Variants in PCSK6 observed in about 807,000 individuals in gnomAD.
The protein encoded by PCSK6 is proprotein convertase subtilisin/kexin type 6, also known as paired basic amino acid cleaving enzyme 4.
In PCSK6, 85 loss-of-function variants were observed where a neutral mutation model predicts 123.3. The ratio of observed to expected loss-of-function variants is 0.69; its 90% CI spans 0.58 to 0.83. The LOEUF (loss-of-function observed/expected upper bound fraction) is 0.83. PCSK6 is among the 40% of genes least tolerant of loss of function. PCSK6 has a pLI of 0.00. For missense variants in PCSK6, 1,191 were observed against 1,282.3 expected (o/e 0.93, Z 1.09); for synonymous variants, 508 against 516.0 (o/e 0.98, Z 0.21).
intron 6 of PCSK6, among the ~76,000 whole-genome samples, chr15:101,424,972 C>T (rs908449609): frequency 6.6e-6 from 1 of 152,120 alleles, no homozygotes; most frequent in Non-Finnish European, 1.5e-5. Flanking sequence ...AGGAGCTCAG[C>T]ATGTCTTTGG....
At chr15:101,327,704 G>A (rs926315714) in intron 15 of PCSK6, among the ~76,000 whole-genome samples, 4 of 152,130 alleles carry the variant, frequency 2.6e-5, no homozygotes, top group Non-Finnish European at 5.9e-5. Context: ...GGGTTTTGCT[G>A]GGGCACGCAA....
At chr15:101,385,790 T>A (rs751948458) in intron 9 of PCSK6, among the ~76,000 whole-genome samples, 3 of 152,168 alleles carry the variant, frequency 2.0e-5, no homozygotes, top group Non-Finnish European at 2.9e-5. Context: ...GAATCAGTAA[T>A]GAAAGGAATA....
Position 101,307,274 on chromosome 15 carries a change from C to T in PCSK6, c.2751G>A (p.Arg917=). 1 of 1,613,828 alleles carries T rather than the reference C, an allele frequency of 6.2e-7. No individual in the cohort carries two copies. The highest frequency in any genetic ancestry group is 8.5e-7 in the Non-Finnish European group (1 of 1,179,832). ...SCAGSSRNCS[R]CKTGFTQLGT... ...CCAGCTGTGTGAAGCCCGTCTTACA[C>T]CTGCTACAGTTCCTGCTGGAGCCTG... The change falls in exon 21 of 22, where the codon AGG becomes AGA. Residue 917 remains arginine (R), a synonymous_variant. Transcript: ENST00000611716.
At chr15:101,384,086 A>G (rs918459870) in intron 10 of PCSK6, 3 of 982,754 alleles carry the variant, frequency 3.1e-6, no homozygotes, top group East Asian at 1.1e-4. Flanking sequence ...GGTGTGGCCA[A>G]AGTTATAGAG....
At chr15:101,475,776 C>T (rs2057716493) in intron 1 of PCSK6, among the ~76,000 whole-genome samples, 1 of 151,674 alleles carries the variant, frequency 6.6e-6, no homozygotes, top group South Asian at 2.1e-4. Flanking sequence ...CAAGTGTGAG[C>T]CACTGTGCTG....
rs572297905 is a variant in PCSK6 at position 101,439,228 on chromosome 15, C to A, written c.402+4328G>T. ...GGCACTGCAGTGGAATGCGGATGAG[C>A]GCTTCCCTCTGAGACAGACTAGGGT... On this transcript the variant is annotated intron_variant, in intron 2 of 21. Coordinates refer to ENST00000611716, the MANE Select transcript of PCSK6 (RefSeq NM_002570.5). Among the ~76,000 whole-genome samples the A allele has an allele frequency of 9.2e-4, 140 of 152,316 alleles. 1 individual carries two copies. The highest frequency in any genetic ancestry group is 3.1e-3 in the African/African-American group (129 of 41,568).
rs2039914237 is a variant in PCSK6 at position 101,313,419 on chromosome 15, A to G, written c.2656T>C (p.Tyr886His). The change falls in exon 20 of 22, where the codon TAC becomes CAC. Residue 886 changes from tyrosine (Y) to histidine (H), a missense_variant. Transcript: ENST00000611716. ...GGCAAGCCCGGCATCTCTTCTGGGT[A>G]GAAGCCCTCACCACAGGCTGGCACA... ...KCVPACGEGF[Y>H]PEEMPGLPHK... 1 of 1,612,702 alleles carries G rather than the reference A, an allele frequency of 6.2e-7. No individual in the cohort carries two copies. Among genetic ancestry groups the G allele is most frequent in the South Asian group, 1.1e-5 (1 of 91,086 alleles).
chr15:101,438,786 TAGGGCCAGATCTAGA>T (rs2056674731), intron 2 of PCSK6, among the ~76,000 whole-genome samples: 1 of 152,120 alleles, frequency 6.6e-6, no homozygotes, highest in Non-Finnish European at 1.5e-5. Flanking sequence ...GCTCCTACTC[TAGGGCCAGATCTAGA>T]ATACAAACAT....
At chr15:101,444,369 G>C (rs2141155622) in intron 1 of PCSK6, among the ~76,000 whole-genome samples, 1 of 152,216 alleles carries the variant, frequency 6.6e-6, no homozygotes, top group East Asian at 1.9e-4. Flanking sequence ...CGAGCATGGG[G>C]ACATTGTTAT....
rs2041384556 is a variant in PCSK6 at position 101,366,240 on chromosome 15, T to C, written c.1814A>G (p.Glu605Gly). 6.2e-7 allele frequency: 1 copy of C among 1,613,568 alleles called. No individual in the cohort carries two copies. The highest frequency in any genetic ancestry group is 1.7e-5 in the Admixed American group (1 of 59,966). ...GEKAEGQWTLEIQDLPSQVRN... is the reference protein window; with the variant it reads ...GEKAEGQWTLGIQDLPSQVRN... ...GACCTGGGATGGCAGATCTTGGATT[T>C]CCAAGGTCCACTGCCCTTCAGCCTT... Residue 605 changes from glutamate (E) to glycine (G), a missense_variant, in exon 13 of 22, where the codon GAA becomes GGA. Coordinates refer to ENST00000611716, the MANE Select transcript of PCSK6 (RefSeq NM_002570.5).
At chr15:101,466,629 A>G (rs142003818) in intron 1 of PCSK6, among the ~76,000 whole-genome samples, 1 of 152,336 alleles carries the variant, frequency 6.6e-6, no homozygotes, top group Admixed American at 6.5e-5. Flanking sequence ...AGCAAACACA[A>G]TGTGGGCAAT....
intron 6 of PCSK6, among the ~76,000 whole-genome samples, chr15:101,399,477 G>A (rs1982906): frequency 0.2 from 30,220 of 151,954 alleles, 3,289 homozygotes; most frequent in East Asian, 0.43. Flanking sequence ...CAGCTTCCTC[G>A]AGAGCACCCC....
In PCSK6 at chr15:101,385,494, G is replaced by T. The variant is rs115553709; in HGVS notation, c.1311-1069C>A. On this transcript the variant is annotated intron_variant, in intron 9 of 21. Coordinates refer to ENST00000611716, the MANE Select transcript of PCSK6 (RefSeq NM_002570.5). ...GGTCTAAATAACTCTCAGCCTAAAA[G>T]AACTCTTCAATAGTTACAAAAATTC... 9.4e-3 allele frequency among the ~76,000 whole-genome samples: 1,433 copies of T among 152,250 alleles called. 28 individuals carry two copies. The highest frequency in any genetic ancestry group is 0.033 in the African/African-American group (1,354 of 41,536).
chr15:101,475,524 C>T (rs985831778), intron 1 of PCSK6, among the ~76,000 whole-genome samples: 5 of 152,158 alleles, frequency 3.3e-5, no homozygotes, highest in Non-Finnish European at 7.3e-5. Flanking sequence ...CTCGCTCTGT[C>T]GTCCAGGCTG....
intron 21 of PCSK6, among the ~76,000 whole-genome samples, chr15:101,306,351 C>A (rs1316112152): frequency 1.3e-5 from 2 of 151,988 alleles, no homozygotes; most frequent in Non-Finnish European, 2.9e-5. Context: ...CCTCCCGCCA[C>A]CCCCCAAAAA....
intron 13 of PCSK6, chr15:101,365,768 CT>C (rs2041369564): frequency 6.4e-6 from 1 of 155,694 alleles, no homozygotes; most frequent in East Asian, 1.9e-4. Flanking sequence ...TATTGAAAAA[CT>C]TTGAAAACAT....
At chr15:101,478,871 C>CT (rs2057798063) in intron 1 of PCSK6, among the ~76,000 whole-genome samples, 1 of 152,206 alleles carries the variant, frequency 6.6e-6, no homozygotes. Context: ...GCTCACAAAC[C>CT]TGCTAGAGCT....
chr15:101,325,684 C>G (rs1344684393), intron 16 of PCSK6, among the ~76,000 whole-genome samples: 1 of 152,228 alleles, frequency 6.6e-6, no homozygotes, highest in Non-Finnish European at 1.5e-5. Context: ...AACAGGGCAG[C>G]TGCAGGACTG....
chr15:101,393,414 C>T lies in PCSK6; in HGVS notation c.1007G>A (p.Gly336Asp). 6.2e-7 allele frequency: 1 copy of T among 1,602,554 alleles called. No homozygotes were observed. Among genetic ancestry groups the T allele is most frequent in the Non-Finnish European group, 8.5e-7 (1 of 1,175,604 alleles). Reference protein sequence around the residue: ...FEYGIKKGRQGLGSIFVWASG... With the variant: ...FEYGIKKGRQDLGSIFVWASG... ...TGCCCAGACGAAAATGGAGCCCAGG[C>T]CCTGCCGGCCCTGGAGGGACAAGAG... The change falls in exon 8 of 22, where the codon GGC becomes GAC. Residue 336 changes from glycine (G) to aspartate (D), a missense_variant. Physicochemically the swap from Gly to Asp is moderately conservative, Grantham distance 94. Transcript: ENST00000611716.
Sources: gnomAD v4.1 joint callset for allele counts (sites outside exome capture counted in the v4.1 genomes callset) on GRCh38, gnomAD v4.1.1 for gene constraint, MANE v1.5 for transcripts, NCBI Gene and HGNC (gene_info 2026-07-23, HGNC 2026-07-21) for gene names.